Variants in TBC1D8B observed in about 807,000 individuals in gnomAD.
TBC1D8B encodes the protein TBC1 domain family member 8B.
In TBC1D8B, 75 loss-of-function variants were observed where a neutral mutation model predicts 82.9. That is an observed-to-expected ratio of 0.90 (90% CI 0.75 to 1.10). The LOEUF is 1.10. Among genes scored for constraint, TBC1D8B ranks in the 50% least tolerant of loss-of-function variants. The probability of loss-of-function intolerance (pLI) is 0.00; values close to 1 mark genes in which losing one functional copy is unlikely to be tolerated. For missense variants in TBC1D8B, 794 were observed against 796.9 expected (o/e 1.00, Z 0.04); for synonymous variants, 276 against 276.8 (o/e 1.00, Z 0.03).
At chrX:106,821,051 T>C in intron 3 of TBC1D8B, 56 bp downstream of exon 3, 1 of 663,969 alleles carries the variant, frequency 1.5e-6, no homozygotes, top group Non-Finnish European at 2.2e-6. Context: ...GACTCTCATG[T>C]ATGAGGATCA....
intron 12 of TBC1D8B, 116 bp downstream of exon 12, chrX:106,850,426 A>G: frequency 1.3e-6 from 1 of 763,385 alleles, no homozygotes; most frequent in East Asian, 3.6e-5. Context: ...CCGAGATTAC[A>G]AAACCACTTG....
intron 7 of TBC1D8B, among the ~76,000 whole-genome samples, chrX:106,833,959 A>G (rs1004821334): frequency 1.9e-5 from 2 of 104,122 alleles, no homozygotes; most frequent in African/African-American, 8.3e-5. Context: ...TTGTCAAAAT[A>G]AGCATTTAAA....
At chrX:106,866,737 T>G in intron 16 of TBC1D8B, 60 bp from the exon 17 acceptor site, 1 of 852,467 alleles carries the variant, frequency 1.2e-6, no homozygotes. Context: ...TCTTTGTTGC[T>G]GAAATTGATT....
chrX:106,854,464 A>C, intron 14 of TBC1D8B, among the ~76,000 whole-genome samples, 168 bp downstream of exon 14: 1 of 111,011 alleles, frequency 9.0e-6, no homozygotes, highest in Admixed American at 9.6e-5. Context: ...AAAATACATT[A>C]TTTTCTTCTG....
intron 14 of TBC1D8B, among the ~76,000 whole-genome samples, chrX:106,856,317 C>A (rs1212273471): frequency 9.0e-6 from 1 of 110,641 alleles, no homozygotes; most frequent in Non-Finnish European, 1.9e-5. Context: ...TTTATAATGT[C>A]TTTCAGATTA....
chrX:106,842,624 TA>T (rs1932338920), intron 10 of TBC1D8B, among the ~76,000 whole-genome samples: 1 of 106,750 alleles, frequency 9.4e-6, no homozygotes, highest in Non-Finnish European at 1.9e-5. Flanking sequence ...TCTATCTATC[TA>T]TCTATCTATC....
At chrX:106,852,340 A>G (rs1932606009) in intron 12 of TBC1D8B, among the ~76,000 whole-genome samples, 1 of 102,625 alleles carries the variant, frequency 9.7e-6, no homozygotes, top group African/African-American at 3.5e-5. Flanking sequence ...AGTAGGTTGC[A>G]AAAATTTTCT....
In TBC1D8B at chrX:106,853,542, T is replaced by C; in HGVS notation, c.2145T>C (p.Asn715=). ...ATAGGTTCTTTGACAATGTCACTAA[T>C]AAGGATAGTCCATTGCCTTCAAATG... The part of the protein sequence containing the change: ...ALNRFFDNVT[N]KDSPLPSNVQ... The change falls in exon 13 of 21, where the codon AAT becomes AAC. Residue 715 remains asparagine (N), a synonymous_variant. Coordinates refer to ENST00000357242, the MANE Select transcript of TBC1D8B (RefSeq NM_017752.3). The C allele has an allele frequency of 3.3e-6, 4 of 1,208,380 alleles. No homozygotes were observed. Among genetic ancestry groups the C allele is most frequent in the Non-Finnish European group, 4.5e-6 (4 of 892,828 alleles).
chrX:106,861,196 C>A (rs974244766), intron 14 of TBC1D8B, among the ~76,000 whole-genome samples: 9 of 111,393 alleles, frequency 8.1e-5, no homozygotes, highest in African/African-American at 2.9e-4. Context: ...AGAATATGTT[C>A]TGTTGTTTTG....
In TBC1D8B at chrX:106,875,189, A is replaced by G. The variant is rs778950456; in HGVS notation, c.*1224A>G. 9.0e-6 allele frequency: 1 copy of G among 111,267 alleles called. No homozygotes were observed. The highest frequency in any genetic ancestry group is 3.8e-4 in the South Asian group (1 of 2,615). The allele number at this position is 111,267 out of a possible 1,213,427, so 9.2% of individuals were successfully genotyped here. On this transcript the variant is annotated 3_prime_UTR_variant, in exon 21 of 21. Transcript: ENST00000357242. ...ACAATTTATTAATCAATTGACTTAG[A>G]AAATAGGGGGAGAAATCATTCATTG...
intron 7 of TBC1D8B, chrX:106,828,184 A>T (rs1183927284): frequency 8.9e-6 from 1 of 112,867 alleles, no homozygotes; most frequent in Non-Finnish European, 1.9e-5. Flanking sequence ...TAAACTAGAA[A>T]ATCTAGAAGA....
At chrX:106,854,509 A>G (rs1332797333) in intron 14 of TBC1D8B, among the ~76,000 whole-genome samples, 1 of 110,579 alleles carries the variant, frequency 9.0e-6, no homozygotes, top group Non-Finnish European at 1.9e-5. Context: ...CATGTTTTGT[A>G]CTATTTGACC....
chrX:106,873,193 G>A (rs1460052607), intron 20 of TBC1D8B, among the ~76,000 whole-genome samples: 8 of 111,315 alleles, frequency 7.2e-5, no homozygotes, highest in African/African-American at 2.6e-4. Context: ...TGCCTCCATG[G>A]TTCAGGCGAT....
intron 1 of TBC1D8B, among the ~76,000 whole-genome samples, chrX:106,806,524 C>T (rs980159603): frequency 7.2e-5 from 8 of 111,854 alleles, no homozygotes; most frequent in African/African-American, 2.3e-4. Flanking sequence ...GGAACTACTA[C>T]ACGAATGGAG....
chrX:106,849,528 A>T, intron 11 of TBC1D8B: 1 of 975,282 alleles, frequency 1.0e-6, no homozygotes, highest in Non-Finnish European at 1.3e-6. Context: ...CTGAGAACTC[A>T]TCAGAGGGAT....
chrX:106,865,579 T>C lies in TBC1D8B; in HGVS notation c.2373T>C (p.Asp791=), dbSNP rs760707816. 14 of 1,199,819 alleles carry C rather than the reference T, an allele frequency of 1.2e-5. No individual in the cohort carries two copies. The highest frequency in any genetic ancestry group is 1.5e-5 in the Non-Finnish European group (13 of 890,139). ...TAAAGTTGCGTGTTGTATCACAAGA[T>C]GTGAAATTGAGCCTTCAAGAATTGG... ...KQNVLRVVSQ[D]VKLSLQELDE... The change falls in exon 15 of 21, where the codon GAT becomes GAC. Residue 791 remains aspartate, a synonymous_variant. Coordinates refer to ENST00000357242, the MANE Select transcript of TBC1D8B (RefSeq NM_017752.3).
At chrX:106,828,396 A>G (rs1345231898) in intron 7 of TBC1D8B, 5 of 112,997 alleles carry the variant, frequency 4.4e-5, no homozygotes, top group Non-Finnish European at 9.4e-5. Flanking sequence ...TTCTGAAACT[A>G]TTCCAATCAA....
rs779339294 is a variant in TBC1D8B at position 106,870,916 on chromosome X, AATCT to A, written c.2967+110_2967+113del. The A allele has an allele frequency of 2.1e-5, 10 of 483,979 alleles. No homozygotes were observed. The South Asian group carries it at 3.4e-4, about 16-fold the overall frequency. 39.9% of individuals were successfully genotyped at this position (483,979 alleles called of 1,213,427 possible). On this transcript the variant is annotated intron_variant, in intron 20 of 20. Transcript: ENST00000357242. ...CATGCTATTCCCAAAATAGTTAAAT[AATCT>A]ATCTATTAGCTCTCTAAGTTTCAGA...
rs1164176293 is a variant in TBC1D8B at position 106,833,691 on chromosome X, T to C, written c.1204-5617T>C. Reference sequence around the variant, plus strand: ...TGAATACTTAAGAGGCAATAATGGATAGAACTGACATACTTGTCATCACTC... The same window carrying C: ...TGAATACTTAAGAGGCAATAATGGACAGAACTGACATACTTGTCATCACTC... On this transcript the variant is annotated intron_variant, in intron 7 of 20. Coordinates refer to ENST00000357242, the MANE Select transcript of TBC1D8B (RefSeq NM_017752.3). Among the ~76,000 whole-genome samples the C allele has an allele frequency of 2.7e-5, 3 of 111,881 alleles. No homozygotes were observed. In the Admixed American group the frequency reaches 2.9e-4, roughly 11 times the overall value.
Sources: gnomAD v4.1 joint callset for allele counts (sites outside exome capture counted in the v4.1 genomes callset) on GRCh38, gnomAD v4.1.1 for gene constraint, MANE v1.5 for transcripts, NCBI Gene and HGNC (gene_info 2026-07-23, HGNC 2026-07-21) for gene names.